FCHO2: variants seen among roughly 807,000 people sequenced by gnomAD.
FCHO2 encodes FCH and mu domain containing endocytic adaptor 2, also known as F-BAR domain only protein 2.
In FCHO2, 43 loss-of-function variants were observed where a neutral mutation model predicts 114.1. The observed-to-expected ratio is 0.38, with a 90% CI of 0.30 to 0.49. The LOEUF (loss-of-function observed/expected upper bound fraction) is 0.49, where lower values mean the gene tolerates loss of function less well. FCHO2 is among the 20% of genes least tolerant of loss of function. The probability of loss-of-function intolerance (pLI) is 0.97; values close to 1 mark genes in which losing one functional copy is unlikely to be tolerated. For synonymous variants in FCHO2, 293 were observed against 315.2 expected, an observed-to-expected ratio of 0.93 and a Z score of 0.75; for missense variants, 807 against 950.4, an observed-to-expected ratio of 0.85 and a Z score of 1.98.
rs1400659348 is a variant in FCHO2, at chr5:73,081,768, C to T, written c.1981-15C>T. The T allele has an allele frequency of 1.4e-6, 2 of 1,459,504 alleles. No homozygotes were observed. The highest frequency in any genetic ancestry group is 1.8e-6 in the Non-Finnish European group (2 of 1,096,298). 90.4% of individuals were successfully genotyped at this position (1,459,504 alleles called of 1,614,324 possible). A position where few individuals can be genotyped will look rare whatever the true frequency, so the allele number is the denominator to read the frequency against. On this transcript the variant is annotated splice_polypyrimidine_tract_variant and intron_variant, in intron 22 of 25. Transcript: ENST00000430046. ...TTCAGGCCAAAAACAATTGTTTGTT[C>T]TTTTCTCTTTAAAGGTATCATCAAA...
At position 73,006,524 on chromosome 5, in the gene FCHO2, A is replaced by T; in HGVS notation, c.575A>T (p.Glu192Val). 4.5e-6 allele frequency: 7 copies of T among 1,569,990 alleles called. No homozygotes were observed. Among genetic ancestry groups the T allele is most frequent in the Non-Finnish European group, 5.2e-6 (6 of 1,161,548 alleles). ...EKYALAKADF[E>V]QKMTETAQKF... The stretch of plus-strand genomic sequence containing the variant: ...TATGCATTAGCAAAAGCTGATTTCG[A>T]ACAGAAAATGACAGAAACAGCTCAG... Residue 192 changes from glutamate to valine, a missense_variant, in exon 6 of 26, where the codon GAA becomes GTA. Transcript: ENST00000430046.
chr5:72,980,725 C>G (rs1314678616), intron 2 of FCHO2, among the ~76,000 whole-genome samples: 1 of 152,052 alleles, frequency 6.6e-6, no homozygotes, highest in African/African-American at 2.4e-5. Context: ...TTTGATCTTT[C>G]TTGATTTAAA....
intron 17 of FCHO2, among the ~76,000 whole-genome samples, 198 bp downstream of exon 17, chr5:73,058,722 T>C (rs888669967): frequency 4.6e-5 from 7 of 152,098 alleles, no homozygotes; most frequent in Non-Finnish European, 8.8e-5. Flanking sequence ...ATTGGTAAAA[T>C]ACTAAGTGGT....
intron 1 of FCHO2, among the ~76,000 whole-genome samples, chr5:72,966,209 T>C (rs1409166181): frequency 1.3e-5 from 2 of 152,222 alleles, no homozygotes; most frequent in East Asian, 3.8e-4. Context: ...GAGACCCTGT[T>C]TCTACATAAA....
intron 6 of FCHO2, among the ~76,000 whole-genome samples, chr5:73,007,601 T>C (rs971775920): frequency 2.0e-5 from 3 of 152,162 alleles, no homozygotes; most frequent in Non-Finnish European, 2.9e-5. Context: ...GCTCATATCT[T>C]AGAAAGCGAA....
chr5:72,961,188 A>G (rs1418866655), intron 1 of FCHO2, among the ~76,000 whole-genome samples: 1 of 152,162 alleles, frequency 6.6e-6, no homozygotes, highest in African/African-American at 2.4e-5. Context: ...ATTGCTATTA[A>G]TAGGTCTTTG....
intron 5 of FCHO2, chr5:72,997,420 G>A (rs933723401): frequency 1.9e-6 from 3 of 1,600,428 alleles, no homozygotes; most frequent in African/African-American, 1.3e-5. Flanking sequence ...GCTACATCAA[G>A]GACCTCTCTT....
chr5:73,082,236 A>G (rs1284428912), intron 23 of FCHO2, among the ~76,000 whole-genome samples: 2 of 151,098 alleles, frequency 1.3e-5, no homozygotes, highest in African/African-American at 4.9e-5. Flanking sequence ...ACCATTAGGC[A>G]GAGTGCTTGA....
intron 2 of FCHO2, among the ~76,000 whole-genome samples, chr5:72,974,068 T>C (rs1248325199): frequency 8.1e-5 from 12 of 148,920 alleles, no homozygotes; most frequent in African/African-American, 2.0e-4. Context: ...GTCTGAGAGA[T>C]AGTTTGTTAT....
At chr5:72,962,000 A>G (rs1163249877) in intron 1 of FCHO2, among the ~76,000 whole-genome samples, 1 of 152,188 alleles carries the variant, frequency 6.6e-6, no homozygotes, top group African/African-American at 2.4e-5. Flanking sequence ...GCCAGGCCCA[A>G]CTTGTTCCCA....
chr5:72,961,307 T>A (rs1751847443), intron 1 of FCHO2, among the ~76,000 whole-genome samples: 1 of 152,166 alleles, frequency 6.6e-6, no homozygotes, highest in African/African-American at 2.4e-5. Flanking sequence ...AATTTTAAAA[T>A]ATATATCTTT....
intron 1 of FCHO2, among the ~76,000 whole-genome samples, chr5:72,958,964 C>T (rs1231696806): frequency 1.3e-5 from 2 of 152,148 alleles, no homozygotes; most frequent in African/African-American, 4.8e-5. Flanking sequence ...TCTTTCTACA[C>T]ATTTTTATGT....
chr5:73,079,009 A>C (rs1027024089), intron 22 of FCHO2, among the ~76,000 whole-genome samples: 2 of 152,254 alleles, frequency 1.3e-5, no homozygotes, highest in African/African-American at 4.8e-5. Context: ...AATACTGATC[A>C]GAAACCCAGT....
intron 15 of FCHO2, 30 bp from the exon 16 acceptor site, chr5:73,056,035 G>C (rs1757577575): frequency 5.9e-6 from 8 of 1,367,158 alleles, no homozygotes; most frequent in Non-Finnish European, 8.0e-6. Flanking sequence ...CTCAGATTAT[G>C]AAGTTTTCAT....
At chr5:73,019,081 G>A (rs1755468943) in intron 8 of FCHO2, among the ~76,000 whole-genome samples, 1 of 152,188 alleles carries the variant, frequency 6.6e-6, no homozygotes, top group African/African-American at 2.4e-5. Context: ...GCCACCTTAG[G>A]TTGTGCTACT....
intron 11 of FCHO2, among the ~76,000 whole-genome samples, chr5:73,050,026 C>T (rs1757267866): frequency 1.3e-5 from 2 of 152,212 alleles, no homozygotes; most frequent in African/African-American, 2.4e-5. Context: ...ATTATAATTT[C>T]ATCTGAATTT....
intron 21 of FCHO2, among the ~76,000 whole-genome samples, chr5:73,077,872 C>T (rs960479655): frequency 3.3e-5 from 5 of 152,048 alleles, no homozygotes; most frequent in Admixed American, 6.6e-5. Flanking sequence ...TTTCCCCCTT[C>T]TTCTTTGAAA....
chr5:73,043,917 T>C (rs1187984956), intron 11 of FCHO2, among the ~76,000 whole-genome samples: 1 of 152,134 alleles, frequency 6.6e-6, no homozygotes, highest in Admixed American at 6.5e-5. Context: ...TGGATTTGTG[T>C]CTCTGCCCAA....
At chr5:73,074,949 A>G in intron 20 of FCHO2, 96 bp downstream of exon 20, 1 of 981,158 alleles carries the variant, frequency 1.0e-6, no homozygotes, top group Non-Finnish European at 1.5e-6. Context: ...TTACATTTTG[A>G]TTCTGTGTAG....
Sources: gnomAD v4.1 joint callset for allele counts (sites outside exome capture counted in the v4.1 genomes callset) on GRCh38, gnomAD v4.1.1 for gene constraint, MANE v1.5 for transcripts, NCBI Gene and HGNC (gene_info 2026-07-23, HGNC 2026-07-21) for gene names.